The following DISC1 variants were observed in gnomAD, a reference collection of about 807,000 sequenced individuals.
DISC1 encodes disrupted in schizophrenia 1 protein.
A neutral mutation model predicts 84.5 loss-of-function variants in DISC1; 57 were observed. The ratio of observed to expected loss-of-function variants is 0.67; its 90% confidence interval spans 0.55 to 0.84. DISC1 has a LOEUF of 0.84. DISC1 is among the 40% of genes least tolerant of loss of function. The probability of loss-of-function intolerance (pLI) is 0.00; values close to 1 mark genes in which losing one functional copy is unlikely to be tolerated. For missense variants in DISC1, 1,000 were observed against 1,057.8 expected, an observed-to-expected ratio of 0.95 and a Z score of 0.76; for synonymous variants, 411 against 415.2, an observed-to-expected ratio of 0.99 and a Z score of 0.12.
At chr1:231,946,305 A>G (rs1276981370) in intron 9 of DISC1, among the ~76,000 whole-genome samples, 1 of 152,240 alleles carries the variant, frequency 6.6e-6, no homozygotes, top group Non-Finnish European at 1.5e-5. Context: ...GGCTGTTTCA[A>G]CATATGCAAA....
At position 232,039,969 on chromosome 1, in the gene DISC1, A is replaced by C. The variant is rs781062809; in HGVS notation, c.*3138A>C. On this transcript the variant is annotated 3_prime_UTR_variant, in exon 13 of 13. Transcript: ENST00000439617. Reference sequence around the variant, plus strand: ...AGGACATGCTATCAGTAATAGTCCCAGTTCCATCCAACTTTCTGAAATTTC... The same window carrying C: ...AGGACATGCTATCAGTAATAGTCCCCGTTCCATCCAACTTTCTGAAATTTC... The C allele has an allele frequency of 2.0e-5, 3 of 151,954 alleles. No individual in the cohort carries two copies. Among genetic ancestry groups the C allele is most frequent in the Non-Finnish European group, 2.9e-5 (2 of 68,016 alleles). 9.4% of individuals were successfully genotyped at this position (151,954 alleles called of 1,614,324 possible). A position where few individuals can be genotyped will look rare whatever the true frequency, so the allele number is the denominator to read the frequency against.
intron 1 of DISC1, among the ~76,000 whole-genome samples, chr1:231,673,292 C>A (rs1304700103): frequency 6.6e-6 from 1 of 152,150 alleles, no homozygotes; most frequent in Non-Finnish European, 1.5e-5. Flanking sequence ...ACTCAGCATC[C>A]TTTCCTTGGC....
rs1390591181 is a variant in DISC1 at position 231,808,576 on chromosome 1, A to G, written c.1792+8366A>G. Among the ~76,000 whole-genome samples, 4 of 152,310 alleles carry G rather than the reference A, an allele frequency of 2.6e-5. No individual in the cohort carries two copies. The East Asian group carries it at 5.8e-4, about 22-fold the overall frequency. On this transcript the variant is annotated intron_variant, in intron 8 of 12. Transcript: ENST00000439617. ...CCCAGAACAGCTAGCAAACCGCCCT[A>G]AGGGGAAATGAAGGGGAGATGGACA... is the stretch of plus-strand genomic sequence containing the variant.
At chr1:231,907,071 CTCCCTCCCTTCCTTCCT>C (rs1251783486) in intron 9 of DISC1, among the ~76,000 whole-genome samples, 8 of 116,546 alleles carry the variant, frequency 6.9e-5, no homozygotes, top group East Asian at 2.3e-4. Flanking sequence ...CCTTCCTTCC[CTCCCTCCCTTCCTTCCT>C]TCCCTCCCTC....
intron 3 of DISC1, among the ~76,000 whole-genome samples, chr1:231,711,664 G>A (rs983266464): frequency 1.3e-5 from 2 of 151,888 alleles, no homozygotes; most frequent in Admixed American, 6.6e-5. Flanking sequence ...CACCACACCC[G>A]GCCATGAGGA....
intron 10 of DISC1, among the ~76,000 whole-genome samples, chr1:231,978,569 G>T (rs1487625700): frequency 6.6e-6 from 1 of 152,178 alleles, no homozygotes; most frequent in Non-Finnish European, 1.5e-5. Flanking sequence ...AAGTGTTTGT[G>T]TATGAATGTA....
intron 9 of DISC1, among the ~76,000 whole-genome samples, chr1:231,872,236 A>G (rs1252814662): frequency 1.3e-5 from 2 of 152,208 alleles, no homozygotes; most frequent in Non-Finnish European, 2.9e-5. Context: ...AGTCTCTTCA[A>G]CATTGGCTTT....
chr1:231,814,004 A>C (rs2080614615), intron 8 of DISC1, among the ~76,000 whole-genome samples: 1 of 152,160 alleles, frequency 6.6e-6, no homozygotes, highest in Non-Finnish European at 1.5e-5. Flanking sequence ...CATGAGTCTC[A>C]ATAGGGTCTT....
intron 9 of DISC1, among the ~76,000 whole-genome samples, chr1:231,882,683 G>T (rs545890413): frequency 6.6e-6 from 1 of 152,232 alleles, no homozygotes; most frequent in Admixed American, 6.5e-5. Context: ...GGTCAGAAAG[G>T]TTTAATCACT....
chr1:231,819,854 A>T (rs1173301034), intron 9 of DISC1, among the ~76,000 whole-genome samples: 1 of 152,224 alleles, frequency 6.6e-6, no homozygotes, highest in African/African-American at 2.4e-5. Flanking sequence ...CCAAGAATGA[A>T]GAGGAAGTGA....
At chr1:231,955,881 C>G (rs746730152) in intron 9 of DISC1, among the ~76,000 whole-genome samples, 33 of 152,214 alleles carry the variant, frequency 2.2e-4, no homozygotes, top group Non-Finnish European at 4.0e-4. Context: ...CCACTTATCA[C>G]TAACTCCTGC....
At chr1:231,873,271 G>A (rs2085601925) in intron 9 of DISC1, among the ~76,000 whole-genome samples, 1 of 152,176 alleles carries the variant, frequency 6.6e-6, no homozygotes, top group Non-Finnish European at 1.5e-5. Flanking sequence ...CGGTAAGAGA[G>A]GCACAAGAGG....
At chr1:231,896,758 A>T (rs754651591) in intron 9 of DISC1, among the ~76,000 whole-genome samples, 24 of 152,206 alleles carry the variant, frequency 1.6e-4, no homozygotes, top group Non-Finnish European at 3.2e-4. Flanking sequence ...GGAAGATTGT[A>T]TCTAAAGCAC....
At chr1:231,677,077 T>C (rs1036270212) in intron 1 of DISC1, among the ~76,000 whole-genome samples, 3 of 152,190 alleles carry the variant, frequency 2.0e-5, no homozygotes, top group South Asian at 2.1e-4. Context: ...TCTGTAACTC[T>C]AGGGTAAAAT....
chr1:231,659,668 A>G (rs1049084124), intron 1 of DISC1, among the ~76,000 whole-genome samples: 2 of 152,150 alleles, frequency 1.3e-5, no homozygotes, highest in African/African-American at 4.8e-5. Flanking sequence ...AGATTCTAGG[A>G]CATTGTCTCT....
intron 9 of DISC1, among the ~76,000 whole-genome samples, chr1:231,869,832 A>T (rs766696122): frequency 3.9e-5 from 6 of 152,138 alleles, no homozygotes; most frequent in Non-Finnish European, 5.9e-5. Flanking sequence ...TGATCTTGAG[A>T]TGAAATTGTT....
chr1:231,903,067 C>CTT (rs2088316792), intron 9 of DISC1, among the ~76,000 whole-genome samples: 2 of 133,568 alleles, frequency 1.5e-5, no homozygotes, highest in Non-Finnish European at 1.6e-5. Context: ...TTCTCTCTCT[C>CTT]ATTTTTTTTT....
chr1:231,820,499 CT>C (rs2081409105), intron 9 of DISC1, among the ~76,000 whole-genome samples: 1 of 152,110 alleles, frequency 6.6e-6, no homozygotes, highest in South Asian at 2.1e-4. Flanking sequence ...ATGTAGTATT[CT>C]TAAAAAAAGA....
chr1:231,885,965 T>G (rs1351810513), intron 9 of DISC1, among the ~76,000 whole-genome samples: 1 of 152,150 alleles, frequency 6.6e-6, no homozygotes, highest in Non-Finnish European at 1.5e-5. Flanking sequence ...TTCTGGAGAC[T>G]GGGAAGTTCA....
Sources: gnomAD v4.1 joint callset for allele counts (sites outside exome capture counted in the v4.1 genomes callset) on GRCh38, gnomAD v4.1.1 for gene constraint, MANE v1.5 for transcripts, NCBI Gene and HGNC (gene_info 2026-07-23, HGNC 2026-07-21) for gene names.